LRBA: variants seen among roughly 807,000 people sequenced by gnomAD.
LRBA encodes lipopolysaccharide-responsive and beige-like anchor protein.
In LRBA, 176 loss-of-function variants were observed where a neutral mutation model predicts 330.0. The ratio of observed to expected loss-of-function variants is 0.53; its 90% confidence interval spans 0.47 to 0.60. The LOEUF (loss-of-function observed/expected upper bound fraction) is 0.60, where lower values mean the gene tolerates loss of function less well. LRBA is among the 20% of genes least tolerant of loss of function. LRBA has a pLI of 0.00. For synonymous variants in LRBA, 1,230 were observed against 1,193.0 expected, an observed-to-expected ratio of 1.03 and a Z score of -0.64; for missense variants, 3,259 against 3,444.8, an observed-to-expected ratio of 0.95 and a Z score of 1.35.
intron 2 of LRBA, among the ~76,000 whole-genome samples, chr4:150,966,299 T>C (rs1402596170): frequency 6.6e-6 from 1 of 151,838 alleles, no homozygotes; most frequent in Non-Finnish European, 1.5e-5. Context: ...TGTTTTGTAT[T>C]GCTAGTTCAT....
chr4:150,340,078 C>A (rs571959320), intron 48 of LRBA, among the ~76,000 whole-genome samples: 6 of 152,222 alleles, frequency 3.9e-5, no homozygotes, highest in African/African-American at 1.4e-4. Context: ...CTCTCTCCTG[C>A]CGCCTTGCAA....
At chr4:151,004,897 G>A (rs1323696704) in intron 2 of LRBA, among the ~76,000 whole-genome samples, 1 of 152,080 alleles carries the variant, frequency 6.6e-6, no homozygotes, top group African/African-American at 2.4e-5. Context: ...TGAAACAGGA[G>A]AATCACTTGA....
At chr4:150,666,727 A>C (rs951235589) in intron 37 of LRBA, among the ~76,000 whole-genome samples, 1 of 152,172 alleles carries the variant, frequency 6.6e-6, no homozygotes, top group Non-Finnish European at 1.5e-5. Flanking sequence ...CTCTGTGGAT[A>C]CTAAGGGATT....
chr4:150,573,859 C>T lies in LRBA; in HGVS notation c.6330+14189G>A, dbSNP rs112269724. On this transcript the variant is annotated intron_variant, in intron 40 of 56. Coordinates refer to ENST00000651943, the MANE Select transcript of LRBA (RefSeq NM_001364905.1). Reference sequence around the variant, plus strand: ...TTAGTGACTCATGTTTTGAAAACCACTTCCCTGCTTAGATCTATCTTTTAA... The same window carrying T: ...TTAGTGACTCATGTTTTGAAAACCATTTCCCTGCTTAGATCTATCTTTTAA... Among the ~76,000 whole-genome samples the T allele has an allele frequency of 1.3e-3, 195 of 152,260 alleles. 3 individuals are homozygous for T. The highest frequency in any genetic ancestry group is 4.6e-3 in the African/African-American group (190 of 41,570).
At chr4:150,594,066 C>T (rs987022776) in intron 38 of LRBA, among the ~76,000 whole-genome samples, 2 of 151,982 alleles carry the variant, frequency 1.3e-5, no homozygotes, top group African/African-American at 4.8e-5. Context: ...CATACACACA[C>T]CCACTTTAAT....
At chr4:150,534,340 T>TATA (rs36206816) in intron 40 of LRBA, among the ~76,000 whole-genome samples, 4,443 of 143,728 alleles carry the variant, frequency 0.031, 147 homozygotes, top group African/African-American at 0.068. Context: ...AAACTTGAAG[T>TATA]ATAATAATAA....
At chr4:150,859,002 A>G (rs974763432) in intron 22 of LRBA, among the ~76,000 whole-genome samples, 4 of 152,128 alleles carry the variant, frequency 2.6e-5, no homozygotes, top group Non-Finnish European at 5.9e-5. Context: ...CTTTTACCCA[A>G]TCTAAATGGT....
chr4:150,869,591 A>G (rs1214367141), intron 20 of LRBA, among the ~76,000 whole-genome samples: 1 of 152,146 alleles, frequency 6.6e-6, no homozygotes, highest in African/African-American at 2.4e-5. Flanking sequence ...AGGGAGGCTG[A>G]GGCAGGAGAA....
Position 150,939,085 on chromosome 4 carries a change from C to G in LRBA, c.217-10020G>C, listed in dbSNP as rs79035746. ...GAGAAACCACAGAACAGCCTATTCC[C>G]TGACTATATTCTTACTGGATAGCTT... On this transcript the variant is annotated intron_variant, in intron 2 of 56. Coordinates refer to ENST00000651943, the MANE Select transcript of LRBA (RefSeq NM_001364905.1). Among the ~76,000 whole-genome samples, 13 of 152,250 alleles carry G rather than the reference C, an allele frequency of 8.5e-5. No homozygotes were observed. In the East Asian group the frequency reaches 2.3e-3, roughly 27 times the overall value.
At chr4:150,453,988 G>A (rs538744233) in intron 44 of LRBA, among the ~76,000 whole-genome samples, 26 of 151,836 alleles carry the variant, frequency 1.7e-4, no homozygotes, top group South Asian at 1.0e-3. Flanking sequence ...CTTTGAGACA[G>A]AGTCTCACTG....
chr4:150,645,457 C>T (rs917748975), intron 37 of LRBA, among the ~76,000 whole-genome samples: 1 of 151,870 alleles, frequency 6.6e-6, no homozygotes, highest in Non-Finnish European at 1.5e-5. Context: ...GTGAGATTGT[C>T]ATTGTCATAC....
intron 48 of LRBA, among the ~76,000 whole-genome samples, chr4:150,336,110 C>A (rs1180089509): frequency 6.6e-6 from 1 of 152,162 alleles, no homozygotes; most frequent in African/African-American, 2.4e-5. Flanking sequence ...AGGTGTGTTA[C>A]ATAGGTAAAC....
At position 150,297,939 on chromosome 4, in the gene LRBA, T is replaced by C. The variant is rs191949248; in HGVS notation, c.8017+4686A>G. Reference sequence around the variant, plus strand: ...TCATATGGTTCAACACAAATGTACATACCTTGACATTTGTGACCCTTAAAT... The same window carrying C: ...TCATATGGTTCAACACAAATGTACACACCTTGACATTTGTGACCCTTAAAT... On this transcript the variant is annotated intron_variant, in intron 53 of 56. Transcript: ENST00000651943. 3.3e-4 allele frequency among the ~76,000 whole-genome samples: 50 copies of C among 152,280 alleles called. 1 individual carries two copies. The East Asian group carries it at 7.3e-3, about 22-fold the overall frequency.
At chr4:150,381,961 G>A (rs1463609882) in intron 47 of LRBA, among the ~76,000 whole-genome samples, 2 of 152,082 alleles carry the variant, frequency 1.3e-5, no homozygotes, top group African/African-American at 4.8e-5. Flanking sequence ...TATCTTCTTG[G>A]GAGGAATGTC....
At chr4:150,766,346 C>A (rs1008671096) in intron 34 of LRBA, among the ~76,000 whole-genome samples, 1 of 151,960 alleles carries the variant, frequency 6.6e-6, no homozygotes, top group Non-Finnish European at 1.5e-5. Context: ...GCCAGATATA[C>A]AAATGCATAC....
intron 36 of LRBA, among the ~76,000 whole-genome samples, chr4:150,730,034 G>A (rs1254934862): frequency 1.3e-5 from 2 of 152,112 alleles, no homozygotes; most frequent in Non-Finnish European, 2.9e-5. Flanking sequence ...ACTTCAAACT[G>A]TGAAACTACT....
intron 44 of LRBA, 144 bp downstream of exon 44, chr4:150,467,529 T>C (rs1480522042): frequency 3.8e-6 from 2 of 527,798 alleles, no homozygotes; most frequent in Non-Finnish European, 6.8e-6. Context: ...ATTTTTCCAT[T>C]TGAAAATCTG....
intron 42 of LRBA, among the ~76,000 whole-genome samples, chr4:150,479,651 T>C (rs369050615): frequency 1.3e-5 from 2 of 152,306 alleles, no homozygotes; most frequent in East Asian, 3.9e-4. Context: ...CTTTGGGCTG[T>C]ATTTAGTGAC....
chr4:150,443,958 G>A (rs138275063), intron 44 of LRBA, among the ~76,000 whole-genome samples: 63 of 147,038 alleles, frequency 4.3e-4, no homozygotes, highest in African/African-American at 1.3e-3. Flanking sequence ...GGACTGGTAC[G>A]CTGCCTCTGC....
Sources: allele counts gnomAD v4.1 joint callset (sites outside exome capture counted in the v4.1 genomes callset), GRCh38; gene constraint gnomAD v4.1.1; transcripts MANE v1.5; gene names NCBI Gene and HGNC (gene_info 2026-07-23, HGNC 2026-07-21).